Variants in ANKRD28 observed in about 807,000 individuals in gnomAD.
ANKRD28 encodes the protein ankyrin repeat domain 28.
A neutral mutation model predicts 126.5 loss-of-function variants in ANKRD28; 44 were observed. The observed-to-expected ratio is 0.35, with a 90% CI of 0.27 to 0.45. The LOEUF is 0.45. Ranked by LOEUF, ANKRD28 falls within the 20% of genes least tolerant of loss-of-function variation. The pLI, the probability that ANKRD28 is intolerant of heterozygous loss-of-function variation, is 1.00. For missense variants in ANKRD28, 1,110 were observed against 1,316.6 expected, an observed-to-expected ratio of 0.84 and a Z score of 2.43; for synonymous variants, 442 against 468.5, an observed-to-expected ratio of 0.94 and a Z score of 0.73.
intron 2 of ANKRD28, among the ~76,000 whole-genome samples, chr3:15,792,607 G>A (rs939266695): frequency 2.0e-5 from 3 of 151,940 alleles, no homozygotes; most frequent in Non-Finnish European, 4.4e-5. Context: ...GATGGTTAAT[G>A]GGTACAAAAA....
At chr3:15,675,297 A>G (rs992639086) in intron 27 of ANKRD28, among the ~76,000 whole-genome samples, 3 of 152,150 alleles carry the variant, frequency 2.0e-5, no homozygotes, top group East Asian at 1.9e-4. Context: ...AACAACAACA[A>G]AAGAATGGAA....
At chr3:15,806,303 G>C (rs763951155) in intron 1 of ANKRD28, among the ~76,000 whole-genome samples, 19 of 152,152 alleles carry the variant, frequency 1.2e-4, no homozygotes, top group Non-Finnish European at 2.1e-4. Context: ...TATAAGAATT[G>C]ATAATTAGCC....
intron 3 of ANKRD28, among the ~76,000 whole-genome samples, chr3:15,753,729 A>G (rs192098857): frequency 0.096 from 14,553 of 152,052 alleles, 2,136 homozygotes; most frequent in African/African-American, 0.31. Flanking sequence ...GATTGCTTGA[A>G]GACAGGAGTT....
chr3:15,703,799 C>T (rs1325471093), intron 14 of ANKRD28, among the ~76,000 whole-genome samples: 1 of 152,058 alleles, frequency 6.6e-6, no homozygotes, highest in Non-Finnish European at 1.5e-5. Flanking sequence ...TTATGAAGTG[C>T]GGGCTAGAGA....
Position 15,676,973 on chromosome 3 carries a change from C to T in ANKRD28, c.2873+1G>A. 2 of 1,611,246 alleles carry T rather than the reference C, an allele frequency of 1.2e-6. No individual in the cohort carries two copies. The highest frequency in any genetic ancestry group is 1.7e-6 in the Non-Finnish European group (2 of 1,177,830). On this transcript the variant is annotated splice_donor_variant, in intron 26 of 27. Transcript: ENST00000683139. LOFTEE classifies it high-confidence loss of function. ...TTATACTAGATACTGACAGTACTCA[C>T]GTTTGCAAGGCTGCGTTGGTTGCAT...
intron 4 of ANKRD28, among the ~76,000 whole-genome samples, chr3:15,748,023 T>C (rs1010806759): frequency 1.3e-5 from 2 of 152,172 alleles, no homozygotes; most frequent in East Asian, 3.9e-4. Flanking sequence ...CCTGCTCACA[T>C]TTGGTGTCCA....
chr3:15,791,298 A>G (rs1261389522), intron 2 of ANKRD28, among the ~76,000 whole-genome samples: 1 of 152,116 alleles, frequency 6.6e-6, no homozygotes, highest in Non-Finnish European at 1.5e-5. Flanking sequence ...AAAGACCCAG[A>G]ATAGCCAAAG....
At position 15,817,488 on chromosome 3, in the gene ANKRD28, C is replaced by G. The variant is rs2060856353; in HGVS notation, c.28-22182G>C. Among the ~76,000 whole-genome samples the G allele has an allele frequency of 6.6e-6, 1 of 152,100 alleles. No homozygotes were observed. Among genetic ancestry groups the G allele is most frequent in the Non-Finnish European group, 1.5e-5 (1 of 68,004 alleles). On this transcript the variant is annotated intron_variant, in intron 1 of 27. Transcript: ENST00000399451. The surrounding 1 kb of genome is among the most constrained non-coding windows in gnomAD (Gnocchi z 4.5). ...AAACTACAAAGCAGTGCAATAAGTG[C>G]TCTCCTAAAAGTTTGTTGTGTGTAT...
chr3:15,783,838 C>CT lies in ANKRD28; in HGVS notation c.201+11384dup, dbSNP rs1018819187. Among the ~76,000 whole-genome samples, 30 of 151,962 alleles carry CT rather than the reference C, an allele frequency of 2.0e-4. 4 individuals are homozygous for CT. The highest frequency in any genetic ancestry group is 7.9e-4 in the Admixed American group (12 of 15,216). ...AACAAACCACAGATCCAGGAGAACA[C>CT]TAACAGGAAAAATATCCCCCAAAAT... On this transcript the variant is annotated intron_variant, in intron 2 of 27. Coordinates refer to ENST00000683139, the MANE Select transcript of ANKRD28 (RefSeq NM_001349278.2).
intron 1 of ANKRD28, 139 bp from the exon 2 acceptor site, chr3:15,795,445 A>G: frequency 1.9e-6 from 1 of 533,292 alleles, no homozygotes; most frequent in Middle Eastern, 3.4e-4. Context: ...GTTTCATAAA[A>G]CCAAATCATG....
intron 3 of ANKRD28, chr3:15,756,380 A>G: frequency 1.9e-6 from 1 of 520,608 alleles, no homozygotes; most frequent in Non-Finnish European, 2.5e-6. Flanking sequence ...ACTCTGAAAC[A>G]ATAGTTTTGT....
chr3:15,781,528 G>T (rs1345149539), intron 2 of ANKRD28: 1 of 151,978 alleles, frequency 6.6e-6, no homozygotes, highest in Non-Finnish European at 1.5e-5. Context: ...TTATGATTTG[G>T]CAATTAAAAC....
Position 15,670,199 on chromosome 3 carries a change from A to G in ANKRD28, c.*71T>C. On this transcript the variant is annotated 3_prime_UTR_variant, in exon 28 of 28. Transcript: ENST00000683139. ...TCTTAGGTTGAATTTCTACGTGAATATCAAAGTGCCTTTTTCCTGAAAAAG... is the reference window on the plus strand; with the variant it reads ...TCTTAGGTTGAATTTCTACGTGAATGTCAAAGTGCCTTTTTCCTGAAAAAG... 6.6e-7 allele frequency: 1 copy of G among 1,509,426 alleles called. No individual in the cohort carries two copies. The allele number at this position is 1,509,426 out of a possible 1,614,324, so 93.5% of individuals were successfully genotyped here.
In ANKRD28 at chr3:15,712,177, G is replaced by C. The variant is rs779215322; in HGVS notation, c.1236C>G (p.Ser412Arg). ...GTTTTCTGCAGCAATCTGAAAAGCC[G>C]CTTAAGGCTGCCAAATGGAGGGGGA... is the stretch of plus-strand genomic sequence containing the variant. Reference protein sequence around the residue: ...GMFPLHLAALSGFSDCCRKLL... With the variant: ...GMFPLHLAALRGFSDCCRKLL... Residue 412 changes from serine to arginine, a missense_variant, in exon 11 of 28, where the codon AGC becomes AGG. Ser to Arg is a moderately radical substitution (Grantham distance 110, BLOSUM62 -1). Transcript: ENST00000683139. 2 of 1,585,210 alleles carry C rather than the reference G, an allele frequency of 1.3e-6. No individual in the cohort carries two copies. The highest frequency in any genetic ancestry group is 1.7e-6 in the Non-Finnish European group (2 of 1,165,338).
rs1455648781 is a variant in ANKRD28 at position 15,797,291 on chromosome 3, G to A, written c.-770C>T. On this transcript the variant is annotated 5_prime_UTR_variant, in exon 1 of 28. Transcript: ENST00000683139. Reference sequence around the variant, plus strand: ...TGAGTCAGACCACAAGAGACAATACGACTCTTGGTACTAGAATACAGCTTG... The same window carrying A: ...TGAGTCAGACCACAAGAGACAATACAACTCTTGGTACTAGAATACAGCTTG... 2.0e-5 allele frequency: 20 copies of A among 984,486 alleles called. No homozygotes were observed. Among genetic ancestry groups the A allele is most frequent in the Non-Finnish European group, 2.2e-5 (18 of 829,830 alleles). 61.0% of individuals were successfully genotyped at this position (984,486 alleles called of 1,614,324 possible).
chr3:15,720,227 A>C (rs1019232890), intron 8 of ANKRD28, among the ~76,000 whole-genome samples: 14 of 152,112 alleles, frequency 9.2e-5, no homozygotes, highest in East Asian at 5.8e-4. Context: ...ACAAAAAAAA[A>C]CCAAAAAGCA....
intron 6 of ANKRD28, among the ~76,000 whole-genome samples, chr3:15,726,084 A>G (rs2074142191): frequency 6.6e-6 from 1 of 151,682 alleles, no homozygotes; most frequent in African/African-American, 2.4e-5. Context: ...TATTCCAACT[A>G]CTCCATTCCC....
chr3:15,711,770 T>C (rs1363037685), intron 11 of ANKRD28, among the ~76,000 whole-genome samples: 2 of 152,038 alleles, frequency 1.3e-5, no homozygotes, highest in Non-Finnish European at 1.5e-5. Context: ...TACTGCAACC[T>C]CTGCCTCCTG....
intron 1 of ANKRD28, among the ~76,000 whole-genome samples, chr3:15,850,693 T>C (rs2061634172): frequency 1.3e-5 from 2 of 152,200 alleles, no homozygotes; most frequent in Admixed American, 6.5e-5. Flanking sequence ...GCTTCTACTC[T>C]TTCTGCCATA....
Sources: allele counts gnomAD v4.1 joint callset (sites outside exome capture counted in the v4.1 genomes callset), GRCh38; gene constraint gnomAD v4.1.1; non-coding constraint Gnocchi (gnomAD v3.1); transcripts MANE v1.5; gene names NCBI Gene and HGNC (gene_info 2026-07-23, HGNC 2026-07-21).